The following NRP2 variants were observed in gnomAD, a reference collection of about 807,000 sequenced individuals.
NRP2 encodes the protein neuropilin 2, also known as neuropilin-2.
A neutral mutation model predicts 110.4 loss-of-function variants in NRP2; 52 were observed. The observed-to-expected ratio is 0.47, with a 90% CI of 0.38 to 0.59. The LOEUF is 0.59. Ranked by LOEUF, NRP2 falls within the 20% of genes least tolerant of loss-of-function variation. NRP2 has a pLI of 0.00. For synonymous variants in NRP2, 508 were observed against 468.9 expected (o/e 1.08, Z -1.08); for missense variants, 1,049 against 1,203.0 (o/e 0.87, Z 1.89).
chr2:205,748,609 C>T (rs1372599210), intron 10 of NRP2, among the ~76,000 whole-genome samples: 1 of 152,204 alleles, frequency 6.6e-6, no homozygotes, highest in Non-Finnish European at 1.5e-5. Flanking sequence ...TAGCAATTTC[C>T]TCCAGCTCCT....
At chr2:205,689,989 T>C (rs991191248) in intron 1 of NRP2, among the ~76,000 whole-genome samples, 5 of 152,206 alleles carry the variant, frequency 3.3e-5, no homozygotes, top group African/African-American at 7.2e-5. Flanking sequence ...GGGCTGGGAA[T>C]AACAAAAGAG....
chr2:205,683,619 A>G (rs530847223), intron 1 of NRP2, among the ~76,000 whole-genome samples: 1 of 152,236 alleles, frequency 6.6e-6, no homozygotes, highest in East Asian at 1.9e-4. Context: ...GGCGGTGTTC[A>G]TATGTCACAT....
At chr2:205,749,700 C>G (rs762494465) in intron 10 of NRP2, 25 bp from the exon 11 acceptor site, 1 of 1,592,156 alleles carries the variant, frequency 6.3e-7, no homozygotes, top group Non-Finnish European at 8.6e-7. Flanking sequence ...ACAGCATTCT[C>G]TTATCTTCCT....
intron 14 of NRP2, 131 bp from the exon 15 acceptor site, chr2:205,766,652 T>G (rs2105925269): frequency 1.3e-6 from 1 of 791,802 alleles, no homozygotes; most frequent in East Asian, 2.5e-5. Flanking sequence ...TGGGGGGCCC[T>G]CTCCATGGAG....
intron 7 of NRP2, among the ~76,000 whole-genome samples, chr2:205,737,996 A>AAAT (rs1355365895): frequency 4.6e-5 from 7 of 152,236 alleles, no homozygotes; most frequent in Non-Finnish European, 1.0e-4. Flanking sequence ...AAGACAGTCC[A>AAAT]AATACACAAT....
At chr2:205,780,066 T>C (rs914321108) in intron 15 of NRP2, among the ~76,000 whole-genome samples, 5 of 152,158 alleles carry the variant, frequency 3.3e-5, no homozygotes, top group African/African-American at 1.2e-4. Flanking sequence ...GGGAGAGTGG[T>C]ACCAGCTAAG....
intron 3 of NRP2, among the ~76,000 whole-genome samples, chr2:205,718,570 C>T (rs2105798974): frequency 6.6e-6 from 1 of 152,262 alleles, no homozygotes; most frequent in East Asian, 1.9e-4. Context: ...CAGATGAGAG[C>T]CCATAGACTT....
chr2:205,760,653 T>C (rs870067), intron 12 of NRP2: 107,212 of 151,790 alleles, frequency 0.71, 38,226 homozygotes, highest in African/African-American at 0.81. Context: ...GGCTACCTGG[T>C]GGGGTGGGTC....
intron 12 of NRP2, among the ~76,000 whole-genome samples, chr2:205,758,909 A>G (rs2057776949): frequency 1.3e-5 from 2 of 152,258 alleles, no homozygotes; most frequent in African/African-American, 4.8e-5. Context: ...AGTAAATAAA[A>G]AAGTAGCCCC....
At chr2:205,684,608 A>AG (rs1381235443) in intron 1 of NRP2, among the ~76,000 whole-genome samples, 4 of 151,978 alleles carry the variant, frequency 2.6e-5, no homozygotes, top group Non-Finnish European at 5.9e-5. Flanking sequence ...CATTTATTTG[A>AG]GGGGGGAAGA....
At chr2:205,766,528 C>A (rs945503327) in intron 14 of NRP2, among the ~76,000 whole-genome samples, 1 of 152,072 alleles carries the variant, frequency 6.6e-6, no homozygotes, top group Non-Finnish European at 1.5e-5. Context: ...CTTTAGGGAC[C>A]CATTTCTTGA....
At chr2:205,787,971 C>T (rs377067400) in intron 15 of NRP2, among the ~76,000 whole-genome samples, 1 of 151,988 alleles carries the variant, frequency 6.6e-6, no homozygotes, top group African/African-American at 2.4e-5. Flanking sequence ...CTGGATATGG[C>T]GTTCACCCTT....
intron 2 of NRP2, among the ~76,000 whole-genome samples, chr2:205,698,452 T>A (rs1435064115): frequency 1.3e-5 from 2 of 152,172 alleles, no homozygotes; most frequent in Non-Finnish European, 2.9e-5. Context: ...GTTAGGTCAG[T>A]CACCCAAGGT....
chr2:205,761,392 C>A (rs976620733), intron 12 of NRP2: 17 of 152,198 alleles, frequency 1.1e-4, no homozygotes, highest in South Asian at 4.2e-4. Flanking sequence ...CATGAAAAAA[C>A]CAGTTAAATT....
chr2:205,743,602 AAGTGTGGTACAGGG>A (rs1242122168), intron 9 of NRP2, 50 bp downstream of exon 9: 2 of 1,603,310 alleles, frequency 1.2e-6, no homozygotes, highest in African/African-American at 1.3e-5. Context: ...CAGGGAGGCT[AAGTGTGGTACAGGG>A]AGTTGAGACT....
At chr2:205,781,573 G>A (rs1437785277) in intron 15 of NRP2, among the ~76,000 whole-genome samples, 1 of 152,222 alleles carries the variant, frequency 6.6e-6, no homozygotes, top group Admixed American at 6.5e-5. Flanking sequence ...AATCTCTGAT[G>A]AAAAGAGCTA....
At chr2:205,716,160 T>C (rs1290327474) in intron 2 of NRP2, 33 bp from the exon 3 acceptor site, 1 of 1,610,558 alleles carries the variant, frequency 6.2e-7, no homozygotes, top group African/African-American at 1.3e-5. Flanking sequence ...GTCCTTCGAG[T>C]GATCTTTTCT....
At chr2:205,731,602 C>T (rs1255411176) in intron 7 of NRP2, among the ~76,000 whole-genome samples, 3 of 152,186 alleles carry the variant, frequency 2.0e-5, no homozygotes, top group Non-Finnish European at 2.9e-5. Flanking sequence ...CTTCAGTTCC[C>T]TCTCATTCGG....
At chr2:205,692,802 C>T (rs7574425) in intron 1 of NRP2, among the ~76,000 whole-genome samples, 48,093 of 152,052 alleles carry the variant, frequency 0.32, 7,954 homozygotes, top group Middle Eastern at 0.42. Context: ...CTTTTGAATT[C>T]TTGGCTCAAT....
Sources: allele counts gnomAD v4.1 joint callset (sites outside exome capture counted in the v4.1 genomes callset), GRCh38; gene constraint gnomAD v4.1.1; transcripts MANE v1.5; gene names NCBI Gene and HGNC (gene_info 2026-07-23, HGNC 2026-07-21).